Variants in MTMR14 observed in about 807,000 individuals in gnomAD.
The protein encoded by MTMR14 is myotubularin related protein 14.
MTMR14 carries 48 observed loss-of-function variants against 86.3 expected under a neutral mutation model. That is an observed-to-expected ratio of 0.56 (90% CI 0.44 to 0.71). The LOEUF is 0.71. Among genes scored for constraint, MTMR14 ranks in the 30% least tolerant of loss-of-function variants. The pLI is 0.00. For synonymous variants in MTMR14, 366 were observed against 326.1 expected (o/e 1.12, Z -1.32); for missense variants, 780 against 834.6 (o/e 0.93, Z 0.81).
chr3:9,691,552 C>T (rs937835297), intron 17 of MTMR14, among the ~76,000 whole-genome samples: 8 of 152,226 alleles, frequency 5.3e-5, no homozygotes, highest in Admixed American at 5.2e-4. Flanking sequence ...CCTCTGGGTC[C>T]TGCCTCAGTC....
intron 17 of MTMR14, among the ~76,000 whole-genome samples, chr3:9,691,623 C>T (rs531373232): frequency 5.9e-4 from 90 of 152,358 alleles, no homozygotes; most frequent in Admixed American, 2.2e-3. Flanking sequence ...CCCGTTACCA[C>T]ACCCTGGCTC....
Position 9,677,595 on chromosome 3 carries a change from A to G in MTMR14, c.822+208A>G, listed in dbSNP as rs1396966248. On this transcript the variant is annotated intron_variant, in intron 8 of 18. Transcript: ENST00000296003. The surrounding 1 kb of genome is among the most constrained non-coding windows in gnomAD (Gnocchi z 4.2). Reference sequence around the variant, plus strand: ...ATCATTATACTTTCCTCCCCCCTTTATTTCTCTTTTGTTTAAGGGAATTTT... The same window carrying G: ...ATCATTATACTTTCCTCCCCCCTTTGTTTCTCTTTTGTTTAAGGGAATTTT... Among the ~76,000 whole-genome samples, 1 of 151,134 alleles carries G rather than the reference A, an allele frequency of 6.6e-6. No homozygotes were observed. Among genetic ancestry groups the G allele is most frequent in the Non-Finnish European group, 1.5e-5 (1 of 67,810 alleles).
chr3:9,653,666 T>G lies in MTMR14; in HGVS notation c.205T>G (p.Tyr69Asp). Residue 69 changes from tyrosine (Y) to aspartate (D), a missense_variant, in exon 2 of 19, where the codon TAC (tyrosine) becomes GAC (aspartate). Coordinates refer to ENST00000296003, the MANE Select transcript of MTMR14 (RefSeq NM_001077525.3). ...KRCLELFGRD[Y>D]CFSVIPNTNG... is the part of the protein sequence containing the mutation. The stretch of plus-strand genomic sequence containing the variant: ...ATGTCTGGAGCTGTTTGGCCGAGAC[T>G]ACTGTTTCAGCGTGATTCCAAACAC... 1 of 1,614,200 alleles carries G rather than the reference T, an allele frequency of 6.2e-7. No homozygotes were observed. The highest frequency in any genetic ancestry group is 8.5e-7 in the Non-Finnish European group (1 of 1,180,044).
chr3:9,660,097 G>A (rs1316434734), intron 2 of MTMR14, among the ~76,000 whole-genome samples: 3 of 152,140 alleles, frequency 2.0e-5, no homozygotes, highest in Non-Finnish European at 4.4e-5. Context: ...AAAGGTGCTC[G>A]GTTTTATATT....
At chr3:9,696,268 C>A (rs537302686) in intron 17 of MTMR14, among the ~76,000 whole-genome samples, 4 of 152,280 alleles carry the variant, frequency 2.6e-5, no homozygotes, top group African/African-American at 9.6e-5. Context: ...GAGGCTGAGG[C>A]AGGCGGATCA....
chr3:9,650,400 G>A, intron 1 of MTMR14: 1 of 456,346 alleles, frequency 2.2e-6, no homozygotes, highest in Non-Finnish European at 4.4e-6. Context: ...GGCTGGCAGT[G>A]CGGTGGGAAT....
At chr3:9,700,771 C>G (rs538295535) in intron 18 of MTMR14, 5 of 152,234 alleles carry the variant, frequency 3.3e-5, no homozygotes, top group African/African-American at 1.2e-4. Context: ...TAGCTTCCTC[C>G]TAAGATGCGT....
intron 17 of MTMR14, 137 bp downstream of exon 17, chr3:9,690,280 G>A (rs777559493): frequency 9.8e-5 from 95 of 966,238 alleles, no homozygotes; most frequent in Middle Eastern, 3.1e-4. Flanking sequence ...TTTGGAGGAT[G>A]GGTTAGTGTT....
At chr3:9,682,319 C>G (rs1559597444) in intron 9 of MTMR14, among the ~76,000 whole-genome samples, 1 of 152,186 alleles carries the variant, frequency 6.6e-6, no homozygotes. Flanking sequence ...TTACAGGTGC[C>G]GTGTTCCCCC....
In MTMR14 at chr3:9,701,443, G is replaced by A. The variant is rs1480155067; in HGVS notation, c.1770-347G>A. 8.8e-6 allele frequency: 3 copies of A among 342,232 alleles called. No individual in the cohort carries two copies. The highest frequency in any genetic ancestry group is 6.5e-5 in the African/African-American group (3 of 45,934). 21.2% of individuals were successfully genotyped at this position (342,232 alleles called of 1,614,324 possible). On this transcript the variant is annotated intron_variant, in intron 18 of 18. Transcript: ENST00000296003. The surrounding 1 kb of genome is among the most constrained non-coding windows in gnomAD (Gnocchi z 4.2). ...CCCAGCTACTTGAGGGGCTGAGGTG[G>A]GAGGATGGCTTGAGGCTACAGTGAG...
At chr3:9,691,150 G>A (rs1335728510) in intron 17 of MTMR14, among the ~76,000 whole-genome samples, 2 of 152,232 alleles carry the variant, frequency 1.3e-5, no homozygotes, top group African/African-American at 2.4e-5. Context: ...GCAAGTGGGC[G>A]TTCCAGACTG....
chr3:9,687,105 C>T (rs1382553216), intron 13 of MTMR14, among the ~76,000 whole-genome samples: 1 of 152,196 alleles, frequency 6.6e-6, no homozygotes, highest in Non-Finnish European at 1.5e-5. Flanking sequence ...CTGCTTTGTC[C>T]ATTATTCTCC....
chr3:9,687,557 A>G (rs2075999801), intron 13 of MTMR14, among the ~76,000 whole-genome samples: 1 of 149,228 alleles, frequency 6.7e-6, no homozygotes, highest in African/African-American at 2.6e-5. Context: ...TCTGTCTCAA[A>G]TAAAAAAAAA....
At chr3:9,656,439 T>TTA (rs58331361) in intron 2 of MTMR14, among the ~76,000 whole-genome samples, 1 of 152,018 alleles carries the variant, frequency 6.6e-6, no homozygotes, top group African/African-American at 2.4e-5. Flanking sequence ...TTTTTTTTTT[T>TTA]AAGACAGAAT....
chr3:9,664,589 C>T (rs2125070356), intron 3 of MTMR14, among the ~76,000 whole-genome samples: 1 of 152,240 alleles, frequency 6.6e-6, no homozygotes, highest in South Asian at 2.1e-4. Context: ...GAGATCCTGT[C>T]ATTTGTATCA....
rs1224307939 is a variant in MTMR14 at position 9,677,807 on chromosome 3, T to C, written c.823-177T>C. Among the ~76,000 whole-genome samples the C allele has an allele frequency of 6.6e-6, 1 of 152,164 alleles. No homozygotes were observed. The highest frequency in any genetic ancestry group is 1.9e-4 in the East Asian group (1 of 5,200). Reference sequence around the variant, plus strand: ...TCCGACTGAAAAACTCCTACTCAGCTATACTGATCTGGTCACATTGATTTT... The same window carrying C: ...TCCGACTGAAAAACTCCTACTCAGCCATACTGATCTGGTCACATTGATTTT... On this transcript the variant is annotated intron_variant, in intron 8 of 18. Coordinates refer to ENST00000296003, the MANE Select transcript of MTMR14 (RefSeq NM_001077525.3). This position sits in a 1 kb window ranked among gnomAD's most constrained non-coding sequence, Gnocchi z 4.2.
intron 1 of MTMR14, among the ~76,000 whole-genome samples, chr3:9,652,023 G>A (rs1354391673): frequency 2.0e-5 from 3 of 151,966 alleles, no homozygotes; most frequent in Non-Finnish European, 4.4e-5. Context: ...ATAGAGATGG[G>A]GTTTCACCAT....
chr3:9,690,020 CAG>C lies in MTMR14; in HGVS notation c.1493_1494del (p.Glu498GlyfsTer24). 6.2e-7 allele frequency: 1 copy of C among 1,612,420 alleles called. No homozygotes were observed. The highest frequency in any genetic ancestry group is 8.5e-7 in the Non-Finnish European group (1 of 1,179,932). On this transcript the variant is annotated frameshift_variant, in exon 17 of 19. Coordinates refer to ENST00000296003, the MANE Select transcript of MTMR14 (RefSeq NM_001077525.3). LOFTEE classifies it high-confidence loss of function. Reference sequence around the variant, plus strand: ...GTCCTCTGGAACCGGCCACAACCCTCAGAGGACCGCTTGCCTTCCCAGCAGGG... The same window carrying C: ...GTCCTCTGGAACCGGCCACAACCCTCAGGACCGCTTGCCTTCCCAGCAGGG...
intron 3 of MTMR14, among the ~76,000 whole-genome samples, chr3:9,664,343 C>T (rs1288303107): frequency 1.3e-5 from 2 of 151,294 alleles, no homozygotes; most frequent in East Asian, 1.9e-4. Context: ...AGACATGTGG[C>T]TCACGGTAGG....
Sources: gnomAD v4.1 joint callset for allele counts (sites outside exome capture counted in the v4.1 genomes callset) on GRCh38, gnomAD v4.1.1 for gene constraint, Gnocchi (gnomAD v3.1) non-coding constraint, MANE v1.5 for transcripts, NCBI Gene and HGNC (gene_info 2026-07-23, HGNC 2026-07-21) for gene names.